The following LINGO2 variants were observed in gnomAD, a reference collection of about 807,000 sequenced individuals.
LINGO2 encodes leucine rich repeat and Ig domain containing 2, also known as leucine-rich repeat and immunoglobulin-like domain-containing nogo receptor-interacting protein 2.
LINGO2 carries 14 observed loss-of-function variants against 30.6 expected under a neutral mutation model. The observed-to-expected ratio is 0.46, with a 90% CI of 0.30 to 0.72. The LOEUF is 0.72. Ranked by LOEUF, LINGO2 falls within the 30% of genes least tolerant of loss-of-function variation. The pLI is 0.07. For missense variants in LINGO2, 729 were observed against 751.7 expected (o/e 0.97, Z 0.35); for synonymous variants, 317 against 288.5 (o/e 1.10, Z -1.00).
the LINGO2 span, among the ~76,000 whole-genome samples, chr9:28,697,205 T>C: frequency 1.3e-5 from 2 of 151,856 alleles, no homozygotes; most frequent in Admixed American, 6.6e-5. Context: ...CCAGAGACCT[T>C]GATATAAGAT....
chr9:28,366,847 T>A (rs1437909012), intron 3 of LINGO2, among the ~76,000 whole-genome samples: 1 of 152,102 alleles, frequency 6.6e-6, no homozygotes, highest in Admixed American at 6.5e-5. Flanking sequence ...AATGGTACAC[T>A]AATAGGAAAA....
intron 1 of LINGO2, among the ~76,000 whole-genome samples, chr9:28,514,512 A>G (rs1199522603): frequency 6.6e-6 from 1 of 152,242 alleles, no homozygotes; most frequent in Non-Finnish European, 1.5e-5. Flanking sequence ...AGTTTTAGTC[A>G]TCTGGATAGA....
chr9:28,659,323 G>C (rs888243659), intron 1 of LINGO2, among the ~76,000 whole-genome samples: 6 of 152,084 alleles, frequency 3.9e-5, no homozygotes, highest in Non-Finnish European at 7.4e-5. Context: ...GGAAATTAAT[G>C]CCTGGACGTA....
intron 1 of LINGO2, among the ~76,000 whole-genome samples, chr9:28,664,350 G>A (rs1213865680): frequency 1.3e-5 from 2 of 152,038 alleles, no homozygotes; most frequent in Non-Finnish European, 2.9e-5. Flanking sequence ...AATATAGAGA[G>A]CTGTGATAAA....
chr9:28,401,713 T>C (rs1292074238), intron 2 of LINGO2, among the ~76,000 whole-genome samples: 1 of 152,216 alleles, frequency 6.6e-6, no homozygotes, highest in Non-Finnish European at 1.5e-5. Flanking sequence ...ATTGCCATAC[T>C]GTCTTCCACA....
chr9:29,038,317 A>G, the LINGO2 span, among the ~76,000 whole-genome samples: 8 of 152,036 alleles, frequency 5.3e-5, no homozygotes, highest in Non-Finnish European at 1.2e-4. Flanking sequence ...AATTGACATT[A>G]GTTTAATACG....
intron 2 of LINGO2, among the ~76,000 whole-genome samples, chr9:28,406,329 G>C (rs1174675354): frequency 4.5e-5 from 1 of 22,414 alleles, no homozygotes; most frequent in African/African-American, 1.0e-4. Flanking sequence ...TCAGCTACTT[G>C]GGAGGCTGAG....
At chr9:28,990,497 G>C in the LINGO2 span, among the ~76,000 whole-genome samples, 1 of 152,214 alleles carries the variant, frequency 6.6e-6, no homozygotes, top group African/African-American at 2.4e-5. Context: ...GCTTTGAAGA[G>C]AGCAGTGGTT....
intron 3 of LINGO2, among the ~76,000 whole-genome samples, chr9:28,332,006 A>T (rs1825437996): frequency 6.6e-6 from 1 of 152,146 alleles, no homozygotes; most frequent in Non-Finnish European, 1.5e-5. Context: ...TAAAGTTCTT[A>T]TATTGATCTT....
intron 1 of LINGO2, among the ~76,000 whole-genome samples, chr9:28,625,900 C>A (rs1002156463): frequency 3.9e-5 from 6 of 151,938 alleles, no homozygotes; most frequent in African/African-American, 1.4e-4. Flanking sequence ...TATATATCTA[C>A]ACAAGTATTT....
At chr9:27,959,904 T>A (rs1026167732) in intron 5 of LINGO2, among the ~76,000 whole-genome samples, 3 of 152,180 alleles carry the variant, frequency 2.0e-5, no homozygotes, top group African/African-American at 7.2e-5. Flanking sequence ...CTTGTCTGCA[T>A]ATTCCTAAGT....
intron 4 of LINGO2, among the ~76,000 whole-genome samples, chr9:28,144,716 T>C (rs545541788): frequency 2.6e-5 from 4 of 152,232 alleles, no homozygotes; most frequent in Admixed American, 1.3e-4. Flanking sequence ...CAAGAGACAA[T>C]GACAACAAAA....
intron 5 of LINGO2, among the ~76,000 whole-genome samples, chr9:28,001,648 A>AC (rs1821960676): frequency 6.6e-6 from 1 of 152,058 alleles, no homozygotes; most frequent in African/African-American, 2.4e-5. Flanking sequence ...AAAAGATAGG[A>AC]CCATTCGGAA....
At chr9:28,137,198 GACACACAC>G (rs3064725) in intron 4 of LINGO2, among the ~76,000 whole-genome samples, 4 of 148,104 alleles carry the variant, frequency 2.7e-5, no homozygotes, top group South Asian at 2.2e-4. Context: ...GAAAATCCCT[GACACACAC>G]ACACACACAC....
chr9:29,036,084 C>T, the LINGO2 span, among the ~76,000 whole-genome samples: 1 of 152,002 alleles, frequency 6.6e-6, no homozygotes, highest in Non-Finnish European at 1.5e-5. Flanking sequence ...TAGACGCTTG[C>T]AACACCATTA....
intron 1 of LINGO2, among the ~76,000 whole-genome samples, chr9:28,592,316 A>G (rs1824953515): frequency 1.3e-5 from 2 of 152,104 alleles, no homozygotes; most frequent in Non-Finnish European, 2.9e-5. Flanking sequence ...GATGTAACTG[A>G]CAGAAAAGGC....
At chr9:28,761,591 A>T in the LINGO2 span, among the ~76,000 whole-genome samples, 3 of 151,992 alleles carry the variant, frequency 2.0e-5, no homozygotes, top group African/African-American at 7.3e-5. Flanking sequence ...TCTGAAGAAG[A>T]TAATGTCATC....
At chr9:28,008,097 AT>A (rs1822358133) in intron 5 of LINGO2, among the ~76,000 whole-genome samples, 1 of 152,170 alleles carries the variant, frequency 6.6e-6, no homozygotes, top group Non-Finnish European at 1.5e-5. Flanking sequence ...ATCGTTTGTC[AT>A]CAGAATCTCC....
At chr9:28,109,230 T>G (rs190213764) in intron 4 of LINGO2, among the ~76,000 whole-genome samples, 15 of 152,326 alleles carry the variant, frequency 9.8e-5, no homozygotes, top group African/African-American at 3.1e-4. Flanking sequence ...AAATTAGGCA[T>G]TGATGGAACA....
Sources: allele counts gnomAD v4.1 joint callset (sites outside exome capture counted in the v4.1 genomes callset), GRCh38; gene constraint gnomAD v4.1.1; transcripts MANE v1.5; gene names NCBI Gene and HGNC (gene_info 2026-07-23, HGNC 2026-07-21).